The following CDH13 variants were observed in gnomAD, a reference collection of about 807,000 sequenced individuals.
The protein encoded by CDH13 is cadherin 13.
In CDH13, 24 loss-of-function variants were observed where a neutral mutation model predicts 63.8. That is an observed-to-expected ratio of 0.38 (90% CI 0.27 to 0.53). CDH13 has a LOEUF of 0.53. CDH13 is among the 20% of genes least tolerant of loss of function. The pLI is 0.85. For synonymous variants in CDH13, 503 were observed against 355.3 expected (o/e 1.42, Z -4.67); for missense variants, 1,049 against 903.1 (o/e 1.16, Z -2.07).
chr16:83,264,004 A>G (rs1407044374), intron 5 of CDH13, among the ~76,000 whole-genome samples: 1 of 152,222 alleles, frequency 6.6e-6, no homozygotes, highest in Non-Finnish European at 1.5e-5. Context: ...ATAGATTCCA[A>G]GATAGAAGTA....
chr16:83,131,943 T>G (rs2036073195), intron 4 of CDH13, among the ~76,000 whole-genome samples: 3 of 152,204 alleles, frequency 2.0e-5, no homozygotes, highest in African/African-American at 7.2e-5. Flanking sequence ...GATTGTGTCA[T>G]GAACGTAAGT....
At chr16:82,718,653 G>C (rs147598321) in intron 1 of CDH13, among the ~76,000 whole-genome samples, 79 of 152,300 alleles carry the variant, frequency 5.2e-4, no homozygotes, top group African/African-American at 1.9e-3. Context: ...GGCAATCATG[G>C]TGGAAGGTGA....
chr16:82,819,340 A>C (rs2037884191), intron 1 of CDH13, among the ~76,000 whole-genome samples: 1 of 152,236 alleles, frequency 6.6e-6, no homozygotes, highest in Non-Finnish European at 1.5e-5. Flanking sequence ...GGACAGTGAC[A>C]CAGATTCTAG....
chr16:83,719,122 C>A lies in CDH13; in HGVS notation c.1539-28986C>A, dbSNP rs866922902. ...AACCAGCCCATTCATCTCTTGGGGG[C>A]TTCTGCCTCTCTTTCAGACAAATTA... On this transcript the variant is annotated intron_variant, in intron 10 of 13. Coordinates refer to ENST00000567109, the MANE Select transcript of CDH13 (RefSeq NM_001257.5). Among the ~76,000 whole-genome samples, 5 of 152,140 alleles carry A rather than the reference C, an allele frequency of 3.3e-5. No homozygotes were observed. In the South Asian group the frequency reaches 8.3e-4, roughly 25 times the overall value.
At chr16:82,728,122 G>T (rs1308798839) in intron 1 of CDH13, among the ~76,000 whole-genome samples, 2 of 152,086 alleles carry the variant, frequency 1.3e-5, no homozygotes, top group Non-Finnish European at 2.9e-5. Context: ...ATCAATATTT[G>T]TAAAACACCT....
At chr16:83,187,199 G>A (rs961660340) in intron 4 of CDH13, among the ~76,000 whole-genome samples, 3 of 152,108 alleles carry the variant, frequency 2.0e-5, no homozygotes, top group African/African-American at 7.2e-5. Context: ...TTGAACTCCT[G>A]GCCTCAGGTG....
At chr16:83,045,343 G>C (rs1028149846) in intron 3 of CDH13, among the ~76,000 whole-genome samples, 1 of 152,106 alleles carries the variant, frequency 6.6e-6, no homozygotes, top group Non-Finnish European at 1.5e-5. Flanking sequence ...AAGTCTCTCT[G>C]TAAGAGATGG....
chr16:82,847,310 C>G (rs1002327936), intron 1 of CDH13, among the ~76,000 whole-genome samples: 1 of 152,188 alleles, frequency 6.6e-6, no homozygotes, highest in Non-Finnish European at 1.5e-5. Context: ...ATGGGCTTCA[C>G]TGGACTAAAA....
chr16:82,967,436 G>A (rs1259072108), intron 2 of CDH13, among the ~76,000 whole-genome samples: 2 of 152,136 alleles, frequency 1.3e-5, no homozygotes, highest in Non-Finnish European at 2.9e-5. Context: ...GTTCGTATTT[G>A]CGCCCGCTGA....
chr16:83,706,065 A>G (rs757998178), intron 10 of CDH13, among the ~76,000 whole-genome samples: 4 of 152,178 alleles, frequency 2.6e-5, no homozygotes, highest in Non-Finnish European at 4.4e-5. Context: ...GGAGCAGCCT[A>G]TCTCTGTGCC....
intron 1 of CDH13, among the ~76,000 whole-genome samples, chr16:82,652,570 ACTC>A (rs1910845157): frequency 6.6e-6 from 1 of 151,558 alleles, no homozygotes; most frequent in Non-Finnish European, 1.5e-5. Context: ...CTTTGATCCT[ACTC>A]CTCATTTAAA....
chr16:83,730,322 G>C (rs1025802210), intron 10 of CDH13, among the ~76,000 whole-genome samples: 1 of 152,170 alleles, frequency 6.6e-6, no homozygotes, highest in African/African-American at 2.4e-5. Context: ...GACCTCATTT[G>C]ATGTTATTAA....
intron 7 of CDH13, among the ~76,000 whole-genome samples, chr16:83,518,486 T>TTG (rs1288109323): frequency 2.7e-5 from 4 of 147,362 alleles, no homozygotes; most frequent in Admixed American, 6.8e-5. Flanking sequence ...TTTTTGTTTT[T>TTG]TTTTGAGACG....
intron 1 of CDH13, among the ~76,000 whole-genome samples, chr16:82,701,389 G>C (rs2031007312): frequency 6.6e-6 from 1 of 152,040 alleles, no homozygotes. Context: ...ACATTTCTGT[G>C]TGCTCCTTCT....
At chr16:83,320,265 C>G (rs1469984064) in intron 5 of CDH13, among the ~76,000 whole-genome samples, 1 of 151,856 alleles carries the variant, frequency 6.6e-6, no homozygotes, top group Non-Finnish European at 1.5e-5. Flanking sequence ...AGGCTAGTCT[C>G]AAACTGCTGG....
intron 7 of CDH13, among the ~76,000 whole-genome samples, chr16:83,582,703 A>T (rs1367106114): frequency 6.6e-6 from 1 of 152,078 alleles, no homozygotes; most frequent in East Asian, 1.9e-4. Context: ...ATAGCATAAG[A>T]CCGTGTGCTG....
At chr16:83,059,793 G>GTTTTTTTTTTTTTTTTTTT (rs66521965) in intron 3 of CDH13, among the ~76,000 whole-genome samples, 2 of 113,106 alleles carry the variant, frequency 1.8e-5, no homozygotes, top group Admixed American at 9.7e-5. Flanking sequence ...TTTTTTGTTT[G>GTTTTTTTTTTTTTTTTTTT]TTTTTTTTTT....
chr16:83,748,124 G>A lies in CDH13; in HGVS notation c.1555G>A (p.Asp519Asn). ...HQTIRYSVYK[D>N]PAGWLNINPI... Reference sequence around the variant, plus strand: ...TTTTTTCAGGTATTCTGTTTACAAGGACCCAGCAGGTTGGCTGAATATTAA... The same window carrying A: ...TTTTTTCAGGTATTCTGTTTACAAGAACCCAGCAGGTTGGCTGAATATTAA... Residue 519 changes from aspartate to asparagine, a missense_variant, in exon 11 of 14, where the codon GAC (aspartate) becomes AAC (asparagine). Physicochemically the swap from Asp to Asn is conservative, Grantham distance 23. Coordinates refer to ENST00000567109, the MANE Select transcript of CDH13 (RefSeq NM_001257.5). 6.2e-7 allele frequency: 1 copy of A among 1,613,842 alleles called. No individual in the cohort carries two copies. Among genetic ancestry groups the A allele is most frequent in the Non-Finnish European group, 8.5e-7 (1 of 1,179,854 alleles).
At position 82,787,841 on chromosome 16, in the gene CDH13, A is replaced by AGTGTGCGTGTGTGTGTGTGTGTGTGTGT. The variant is rs1555516773; in HGVS notation, c.46-70516_46-70515insCGTGTGTGTGTGTGTGTGTGTGTGTGTG. Among the ~76,000 whole-genome samples the AGTGTGCGTGTGTGTGTGTGTGTGTGTGT allele has an allele frequency of 2.0e-5, 3 of 146,654 alleles. No homozygotes were observed. The Admixed American group carries it at 2.1e-4, about 10-fold the overall frequency. ...TGTATGGAGGGGGGTGAAGGGAGGA[A>AGTGTGCGTGTGTGTGTGTGTGTGTGTGT]GTGTGTGTGTGATCTCAAAAGCCAT... On this transcript the variant is annotated intron_variant, in intron 1 of 13. Coordinates refer to ENST00000567109, the MANE Select transcript of CDH13 (RefSeq NM_001257.5).
Sources: allele counts gnomAD v4.1 joint callset (sites outside exome capture counted in the v4.1 genomes callset), GRCh38; gene constraint gnomAD v4.1.1; transcripts MANE v1.5; gene names NCBI Gene and HGNC (gene_info 2026-07-23, HGNC 2026-07-21).